Variants in ERG observed in about 807,000 individuals in gnomAD.
ERG encodes the protein transcriptional regulator ERG.
A neutral mutation model predicts 55.3 loss-of-function variants in ERG; 9 were observed. That is an observed-to-expected ratio of 0.16 (90% CI 0.10 to 0.28). ERG has a LOEUF of 0.28. Among genes scored for constraint, ERG ranks in the 10% least tolerant of loss-of-function variants. The pLI is 1.00. For synonymous variants in ERG, 223 were observed against 237.3 expected (o/e 0.94, Z 0.55); for missense variants, 434 against 631.6 (o/e 0.69, Z 3.35).
At chr21:38,584,463 T>C (rs916194338) in intron 1 of ERG, among the ~76,000 whole-genome samples, 14 of 151,908 alleles carry the variant, frequency 9.2e-5, no homozygotes, top group African/African-American at 3.1e-4. Flanking sequence ...GATAGAAAAA[T>C]GGAAATATCG....
rs146925750 is a variant in ERG at position 38,392,291 on chromosome 21, A to G, written c.814+85T>C. The G allele has an allele frequency of 4.6e-4, 545 of 1,183,502 alleles. 3 individuals carry two copies. The African/African-American group carries it at 7.6e-3, about 17-fold the overall frequency. 73.3% of individuals were successfully genotyped at this position (1,183,502 alleles called of 1,614,324 possible). On this transcript the variant is annotated intron_variant, in intron 7 of 9. Coordinates refer to ENST00000288319, the MANE Select transcript of ERG (RefSeq NM_182918.4). ...ATCACATGTTGCAAAATCACAGATT[A>G]ACCACAGAAATTATTATATACTCCA... is the stretch of plus-strand genomic sequence containing the variant.
intron 3 of ERG, among the ~76,000 whole-genome samples, chr21:38,412,564 T>C (rs1358936172): frequency 6.6e-6 from 1 of 152,160 alleles, no homozygotes; most frequent in Non-Finnish European, 1.5e-5. Context: ...ATTTCATTGC[T>C]CCCATTTCCT....
intron 3 of ERG, among the ~76,000 whole-genome samples, chr21:38,411,975 CTG>C (rs1480769934): frequency 6.6e-6 from 1 of 152,144 alleles, no homozygotes; most frequent in African/African-American, 2.4e-5. Context: ...TGCTTTCTGC[CTG>C]AAAGTATATT....
rs1990404643 is a variant in ERG, at chr21:38,435,449, A to T, written c.236+9955T>A. On this transcript the variant is annotated intron_variant, in intron 2 of 9. Coordinates refer to ENST00000288319, the MANE Select transcript of ERG (RefSeq NM_182918.4). Reference sequence around the variant, plus strand: ...AGCGGGTGGAGCTCAGCAGTGATTCATGTAGAACTCCGGGCTCAAACTGAA... The same window carrying T: ...AGCGGGTGGAGCTCAGCAGTGATTCTTGTAGAACTCCGGGCTCAAACTGAA... 2.0e-5 allele frequency among the ~76,000 whole-genome samples: 3 copies of T among 152,192 alleles called. No individual in the cohort carries two copies. The South Asian group carries it at 6.2e-4, about 32-fold the overall frequency.
chr21:38,465,195 T>C (rs1235908567), intron 1 of ERG, among the ~76,000 whole-genome samples: 1 of 152,158 alleles, frequency 6.6e-6, no homozygotes, highest in Non-Finnish European at 1.5e-5. Context: ...GTAAGTAGGT[T>C]TTTGTTAGTT....
At chr21:38,615,990 C>T (rs1183016672) in intron 1 of ERG, among the ~76,000 whole-genome samples, 1 of 151,900 alleles carries the variant, frequency 6.6e-6, no homozygotes, top group Non-Finnish European at 1.5e-5. Context: ...ATTTGTAATC[C>T]CCACGTGTCA....
chr21:38,650,550 T>G (rs979218256), intron 1 of ERG, among the ~76,000 whole-genome samples: 2 of 151,936 alleles, frequency 1.3e-5, no homozygotes, highest in African/African-American at 4.8e-5. Context: ...AGCACAAGAA[T>G]CGCTTGAACC....
intron 6 of ERG, among the ~76,000 whole-genome samples, chr21:38,393,606 AT>A (rs1988075382): frequency 6.6e-6 from 1 of 152,182 alleles, no homozygotes; most frequent in African/African-American, 2.4e-5. Context: ...AAATATTTTA[AT>A]TTTGTTTAAA....
At chr21:38,626,652 A>G (rs1391975858) in intron 1 of ERG, among the ~76,000 whole-genome samples, 1 of 151,688 alleles carries the variant, frequency 6.6e-6, no homozygotes, top group Non-Finnish European at 1.5e-5. Context: ...AGAAAAGGGA[A>G]GCACGTTATG....
chr21:38,659,112 C>T (rs1462769919), intron 1 of ERG, among the ~76,000 whole-genome samples: 28 of 152,144 alleles, frequency 1.8e-4, no homozygotes, highest in African/African-American at 2.4e-5. Flanking sequence ...TATCTTGAGA[C>T]GGATTACCCA....
At position 38,381,766 on chromosome 21, in the gene ERG, G is replaced by A; in HGVS notation, c.*1637C>T. ...GCTTCATAGGCCTCTTTCCATTCCA[G>A]GCATAAATATGGAGGCTCCAATGTG... On this transcript the variant is annotated 3_prime_UTR_variant, in exon 10 of 10. Transcript: ENST00000288319. 2.8e-6 allele frequency: 3 copies of A among 1,063,328 alleles called. No homozygotes were observed. Among genetic ancestry groups the A allele is most frequent in the Non-Finnish European group, 3.4e-6 (3 of 878,136 alleles). The allele number at this position is 1,063,328 out of a possible 1,614,324, so 65.9% of individuals were successfully genotyped here.
chr21:38,401,125 C>G (rs1988470326), intron 5 of ERG, among the ~76,000 whole-genome samples: 1 of 152,172 alleles, frequency 6.6e-6, no homozygotes, highest in African/African-American at 2.4e-5. Flanking sequence ...CATTTTCCCT[C>G]TCTCTCTTTT....
intron 1 of ERG, among the ~76,000 whole-genome samples, chr21:38,457,409 C>G (rs1850259385): frequency 6.6e-6 from 1 of 150,462 alleles, no homozygotes; most frequent in African/African-American, 2.5e-5. Context: ...GCACTCTGGC[C>G]TGGGCGAAAG....
intron 1 of ERG, among the ~76,000 whole-genome samples, chr21:38,447,847 A>G (rs1028606760): frequency 3.3e-5 from 5 of 152,112 alleles, no homozygotes; most frequent in African/African-American, 9.7e-5. Context: ...ATGTAATGTT[A>G]GCTTTGGCTC....
chr21:38,622,168 A>C (rs2060294672), intron 1 of ERG, among the ~76,000 whole-genome samples: 1 of 152,200 alleles, frequency 6.6e-6, no homozygotes, highest in African/African-American at 2.4e-5. Flanking sequence ...TCAGCAGGGG[A>C]CTAGATTTGT....
intron 3 of ERG, among the ~76,000 whole-genome samples, chr21:38,419,612 A>C (rs1033526246): frequency 6.6e-6 from 1 of 152,162 alleles, no homozygotes; most frequent in African/African-American, 2.4e-5. Flanking sequence ...TTTATTTTTA[A>C]AAAGTGGATT....
At chr21:38,519,221 C>T (rs2059575675) in intron 2 of ERG, among the ~76,000 whole-genome samples, 1 of 152,128 alleles carries the variant, frequency 6.6e-6, no homozygotes, top group South Asian at 2.1e-4. Flanking sequence ...TAATAAGAGG[C>T]ATATAGCATA....
chr21:38,382,589 C>T lies in ERG; in HGVS notation c.*814G>A, dbSNP rs147542406. 5.5e-5 allele frequency: 59 copies of T among 1,066,146 alleles called. No individual in the cohort carries two copies. In the African/African-American group the frequency reaches 9.0e-4, roughly 16 times the overall value. The allele number at this position is 1,066,146 out of a possible 1,614,324, so 66.0% of individuals were successfully genotyped here. A position where few individuals can be genotyped will look rare whatever the true frequency, so the allele number is the denominator to read the frequency against. ...CTGACTGCATGAACCCTCGAGTCTCCATAACTCATTGTACACAGTCCCCAA... is the reference window on the plus strand; with the variant it reads ...CTGACTGCATGAACCCTCGAGTCTCTATAACTCATTGTACACAGTCCCCAA... On this transcript the variant is annotated 3_prime_UTR_variant, in exon 10 of 10. Transcript: ENST00000288319.
intron 1 of ERG, among the ~76,000 whole-genome samples, chr21:38,629,533 T>A (rs1199486306): frequency 2.0e-5 from 3 of 151,998 alleles, no homozygotes; most frequent in Non-Finnish European, 2.9e-5. Flanking sequence ...AATGAGCACA[T>A]AGAAAAATAC....
Sources: allele counts gnomAD v4.1 joint callset (sites outside exome capture counted in the v4.1 genomes callset), GRCh38; gene constraint gnomAD v4.1.1; transcripts MANE v1.5; gene names NCBI Gene and HGNC (gene_info 2026-07-23, HGNC 2026-07-21).